EYA1: variants seen among roughly 807,000 people sequenced by gnomAD.
The protein encoded by EYA1 is EYA transcriptional coactivator and phosphatase 1, also known as protein phosphatase EYA1.
In EYA1, 16 loss-of-function variants were observed where a neutral mutation model predicts 82.0. The ratio of observed to expected loss-of-function variants is 0.20; its 90% CI spans 0.13 to 0.30. EYA1 has a LOEUF of 0.30. Ranked by LOEUF, EYA1 falls within the 10% of genes least tolerant of loss-of-function variation. The pLI is 1.00. For synonymous variants in EYA1, 261 were observed against 264.4 expected, an observed-to-expected ratio of 0.99 and a Z score of 0.12; for missense variants, 633 against 730.7, an observed-to-expected ratio of 0.87 and a Z score of 1.54.
upstream of EYA1, among the ~76,000 whole-genome samples, chr8:71,365,658 C>T (rs1827711113): frequency 6.6e-6 from 1 of 152,166 alleles, no homozygotes; most frequent in South Asian, 2.1e-4. Context: ...CATGCCATGG[C>T]ACTACCTCCC....
intron 2 of EYA1, among the ~76,000 whole-genome samples, chr8:71,481,266 A>G (rs893742398): frequency 1.3e-5 from 2 of 152,220 alleles, no homozygotes; most frequent in African/African-American, 4.8e-5. Flanking sequence ...AAAGCACCTT[A>G]CAAAATATTT....
intron 12 of EYA1, among the ~76,000 whole-genome samples, chr8:71,229,430 A>G (rs1810938987): frequency 6.6e-6 from 1 of 152,174 alleles, no homozygotes; most frequent in African/African-American, 2.4e-5. Context: ...ACTTCTGTGT[A>G]CACTACCAGA....
At chr8:71,393,769 T>A (rs1282909992) in intron 2 of EYA1, among the ~76,000 whole-genome samples, 1 of 152,240 alleles carries the variant, frequency 6.6e-6, no homozygotes, top group East Asian at 1.9e-4. Flanking sequence ...TGCATGTGTC[T>A]TAATAGCAGC....
intron 2 of EYA1, among the ~76,000 whole-genome samples, chr8:71,456,432 A>G (rs1807917740): frequency 6.6e-6 from 1 of 152,214 alleles, no homozygotes; most frequent in South Asian, 2.1e-4. Flanking sequence ...GAACCAAAAA[A>G]GAGTCCGCAT....
chr8:71,498,045 T>C (rs1428118461), intron 2 of EYA1, among the ~76,000 whole-genome samples: 1 of 151,628 alleles, frequency 6.6e-6, no homozygotes, highest in African/African-American at 2.4e-5. Context: ...ACTAGGGTGG[T>C]TGGGGGCAGA....
At chr8:71,232,807 T>TC (rs923134130) in intron 12 of EYA1, among the ~76,000 whole-genome samples, 14 of 152,074 alleles carry the variant, frequency 9.2e-5, no homozygotes, top group Non-Finnish European at 2.1e-4. Flanking sequence ...TTTCCCTTCG[T>TC]CCCCTACAGC....
rs145655601 is a variant in EYA1, at chr8:71,320,583, G to T, written c.418+1151C>A. ...ATTCCATTTTAGGGCTGTCTCTAAA[G>T]TCTACTTTAAAAATACCTATCTAGA... On this transcript the variant is annotated intron_variant, in intron 6 of 17. Transcript: ENST00000340726. Among the ~76,000 whole-genome samples the T allele has an allele frequency of 5.9e-3, 891 of 152,142 alleles. 10 individuals are homozygous for T. Among genetic ancestry groups the T allele is most frequent in the African/African-American group, 0.02 (835 of 41,518 alleles).
At chr8:71,313,626 T>C (rs1036344946) in intron 7 of EYA1, among the ~76,000 whole-genome samples, 35 of 152,294 alleles carry the variant, frequency 2.3e-4, no homozygotes, top group African/African-American at 8.4e-4. Context: ...TGGGAGTAGA[T>C]CTCATGCCCA....
At chr8:71,254,916 A>G (rs567682308) in intron 11 of EYA1, among the ~76,000 whole-genome samples, 2 of 151,878 alleles carry the variant, frequency 1.3e-5, no homozygotes, top group South Asian at 2.1e-4. Flanking sequence ...TGAAAAAACA[A>G]CACACAAAAA....
At chr8:71,497,515 G>A (rs1811502347) in intron 2 of EYA1, among the ~76,000 whole-genome samples, 1 of 152,064 alleles carries the variant, frequency 6.6e-6, no homozygotes, top group Admixed American at 6.6e-5. Context: ...TTAAAATCAT[G>A]ATAAGCTCTC....
At chr8:71,210,823 C>G (rs1017086761) in intron 17 of EYA1, among the ~76,000 whole-genome samples, 1 of 152,226 alleles carries the variant, frequency 6.6e-6, no homozygotes, top group African/African-American at 2.4e-5. Flanking sequence ...GTTTGAACCA[C>G]CTGGCATGTC....
In EYA1 at chr8:71,452,495, G is replaced by C. The variant is rs554712481; in HGVS notation, c.33+83249C>G. 2.0e-5 allele frequency among the ~76,000 whole-genome samples: 3 copies of C among 152,284 alleles called. No homozygotes were observed. In the South Asian group the frequency reaches 6.2e-4, roughly 32 times the overall value. ...CCTCAAGTGGGTCTCTGACTCCCAAGTACCCTAACTGGGAGGCACCCCCCA... is the reference window on the plus strand; with the variant it reads ...CCTCAAGTGGGTCTCTGACTCCCAACTACCCTAACTGGGAGGCACCCCCCA... On this transcript the variant is annotated intron_variant, in intron 2 of 18. Coordinates refer to the EYA1 transcript ENST00000643681.
At chr8:71,230,162 T>G (rs1811024845) in intron 12 of EYA1, among the ~76,000 whole-genome samples, 1 of 152,030 alleles carries the variant, frequency 6.6e-6, no homozygotes, top group South Asian at 2.1e-4. Context: ...TCTTGCACTA[T>G]TCAACCTTAA....
chr8:71,393,091 A>G (rs1201217215), intron 2 of EYA1, among the ~76,000 whole-genome samples: 1 of 152,184 alleles, frequency 6.6e-6, no homozygotes, highest in Non-Finnish European at 1.5e-5. Flanking sequence ...ATATAAAACT[A>G]TGTACCTCTA....
intron 2 of EYA1, among the ~76,000 whole-genome samples, chr8:71,424,394 G>A (rs1317956578): frequency 6.6e-6 from 1 of 152,186 alleles, no homozygotes. Context: ...CAAAATTAAA[G>A]TTCTAATACT....
At chr8:71,223,188 G>A (rs1810146142) in intron 12 of EYA1, among the ~76,000 whole-genome samples, 1 of 152,126 alleles carries the variant, frequency 6.6e-6, no homozygotes, top group Non-Finnish European at 1.5e-5. Context: ...GTCCTAAGTA[G>A]GAGAGCTGAG....
chr8:71,499,939 C>A (rs1811694975), intron 2 of EYA1, among the ~76,000 whole-genome samples: 1 of 152,090 alleles, frequency 6.6e-6, no homozygotes, highest in Non-Finnish European at 1.5e-5. Context: ...ATTTAAGGAA[C>A]AGGTTGAGAG....
At chr8:71,457,966 C>T (rs1808079336) in intron 2 of EYA1, among the ~76,000 whole-genome samples, 1 of 152,132 alleles carries the variant, frequency 6.6e-6, no homozygotes, top group African/African-American at 2.4e-5. Context: ...ATCTTAATTA[C>T]AGGCTCCTAT....
Position 71,470,804 on chromosome 8 carries a change from T to C in EYA1, c.33+64940A>G, listed in dbSNP as rs1444941468. The stretch of plus-strand genomic sequence containing the variant: ...TGTGGCTAAAAGATGTATGTAGCAT[T>C]AAAAATAAAAACAGAACCGTAGTAC... On this transcript the variant is annotated intron_variant, in intron 2 of 18. Coordinates refer to the EYA1 transcript ENST00000643681. 4 of 446,606 alleles carry C rather than the reference T, an allele frequency of 9.0e-6. No homozygotes were observed. In the East Asian group the frequency reaches 2.8e-4, roughly 31 times the overall value. The allele number at this position is 446,606 out of a possible 1,614,324, so 27.7% of individuals were successfully genotyped here.
Sources: allele counts gnomAD v4.1 joint callset (sites outside exome capture counted in the v4.1 genomes callset), GRCh38; gene constraint gnomAD v4.1.1; transcripts MANE v1.5; gene names NCBI Gene and HGNC (gene_info 2026-07-23, HGNC 2026-07-21).